Variants in KCTD18 observed in about 807,000 individuals in gnomAD.
KCTD18 encodes BTB/POZ domain-containing protein KCTD18.
Under a neutral mutation model 30.4 loss-of-function variants are expected in KCTD18, and 22 were observed. The ratio of observed to expected loss-of-function variants is 0.72; its 90% CI spans 0.52 to 1.03. The LOEUF (loss-of-function observed/expected upper bound fraction) is 1.03. KCTD18 is among the 50% of genes least tolerant of loss of function. The pLI is 0.00. For synonymous variants in KCTD18, 186 were observed against 209.0 expected (o/e 0.89, Z 0.95); for missense variants, 529 against 547.6 (o/e 0.97, Z 0.34).
At chr2:200,496,542 T>G (rs578245631) in intron 5 of KCTD18, 1 of 152,448 alleles carries the variant, frequency 6.6e-6, no homozygotes, top group African/African-American at 2.4e-5. Context: ...TTGCCCAGGC[T>G]GGAGTGCAAT....
intron 3 of KCTD18, among the ~76,000 whole-genome samples, chr2:200,501,769 C>T (rs2088088856): frequency 6.6e-6 from 1 of 151,698 alleles, no homozygotes; most frequent in Non-Finnish European, 1.5e-5. Flanking sequence ...CCATTTGACC[C>T]AGCCATCCCA....
chr2:200,503,135 C>T (rs878955271), intron 3 of KCTD18, among the ~76,000 whole-genome samples: 1 of 152,084 alleles, frequency 6.6e-6, no homozygotes, highest in Non-Finnish European at 1.5e-5. Context: ...AGGGCCTTCC[C>T]TGGGAGGAAC....
chr2:200,494,422 T>C (rs1441389585), intron 5 of KCTD18, among the ~76,000 whole-genome samples: 1 of 152,236 alleles, frequency 6.6e-6, no homozygotes, highest in Non-Finnish European at 1.5e-5. Flanking sequence ...CAAGGAATTA[T>C]GTTGAATAAA....
rs188445566 is a variant in KCTD18 at position 200,495,812 on chromosome 2, C to T, written c.661+1941G>A. ...TCCAGTTAATGCAACATTATTTATCCTAGTTTTTTATTAGTCTTTAAATTT... is the reference window on the plus strand; with the variant it reads ...TCCAGTTAATGCAACATTATTTATCTTAGTTTTTTATTAGTCTTTAAATTT... On this transcript the variant is annotated intron_variant, in intron 5 of 6. Transcript: ENST00000359878. The T allele has an allele frequency of 2.6e-5, 4 of 151,406 alleles. No individual in the cohort carries two copies. The East Asian group carries it at 7.7e-4, about 29-fold the overall frequency. The allele number at this position is 151,406 out of a possible 1,614,324, so 9.4% of individuals were successfully genotyped here. A position where few individuals can be genotyped will look rare whatever the true frequency, so the allele number is the denominator to read the frequency against.
chr2:200,494,740 C>T (rs2087971977), intron 5 of KCTD18, among the ~76,000 whole-genome samples: 1 of 152,150 alleles, frequency 6.6e-6, no homozygotes. Context: ...TTTTCAGGTA[C>T]ACATTTCAAT....
intron 3 of KCTD18, among the ~76,000 whole-genome samples, chr2:200,500,746 A>G (rs1489677063): frequency 1.3e-5 from 2 of 151,270 alleles, no homozygotes; most frequent in Non-Finnish European, 3.0e-5. Context: ...CCATCAAGCT[A>G]CCAATGACTT....
At chr2:200,501,914 T>G (rs1393651382) in intron 3 of KCTD18, among the ~76,000 whole-genome samples, 8 of 151,190 alleles carry the variant, frequency 5.3e-5, no homozygotes, top group Non-Finnish European at 1.0e-4. Context: ...TAGACTGGAT[T>G]AAGAAAATGT....
chr2:200,509,083 T>A, intron 1 of KCTD18, among the ~76,000 whole-genome samples: 1 of 152,186 alleles, frequency 6.6e-6, no homozygotes, highest in South Asian at 2.1e-4. Context: ...TCCCATTTAC[T>A]GAATGCTTAT....
At chr2:200,503,625 G>A (rs1462973338) in intron 3 of KCTD18, among the ~76,000 whole-genome samples, 1 of 152,170 alleles carries the variant, frequency 6.6e-6, no homozygotes, top group East Asian at 1.9e-4. Flanking sequence ...CAACAGCAGG[G>A]AAAGACTATC....
chr2:200,490,609 T>A lies in KCTD18; in HGVS notation c.772A>T (p.Ile258Leu). ...CTTTCGTCCGCTTCATTGAACGTTA[T>A]CAGTCGCCTAGAAATACAGAAGCGT... ...HMAPIRKRRLITFNEADESVN... is the reference protein window; with the variant it reads ...HMAPIRKRRLLTFNEADESVN... The change falls in exon 7 of 7, where the codon ATA (isoleucine) becomes TTA (leucine). Residue 258 changes from isoleucine (I) to leucine (L), a missense_variant. Coordinates refer to ENST00000359878, the MANE Select transcript of KCTD18 (RefSeq NM_152387.4). The A allele has an allele frequency of 6.3e-7, 1 of 1,584,992 alleles. No homozygotes were observed. The highest frequency in any genetic ancestry group is 8.5e-7 in the Non-Finnish European group (1 of 1,170,292).
In KCTD18 at chr2:200,498,944, G is replaced by A. The variant is rs139198109; in HGVS notation, c.513C>T (p.Asp171=). The A allele has an allele frequency of 7.7e-4, 1,248 of 1,614,008 alleles. 1 individual carries two copies. The highest frequency in any genetic ancestry group is 9.3e-4 in the Non-Finnish European group (1,095 of 1,179,940). ...TTCCTCCCAGCTGCTTTTCAATAGC[G>A]TCTGTTCCATCAGTTTTTGTGGCAT... is the stretch of plus-strand genomic sequence containing the variant. ...GVYATKTDGT[D]AIEKQLGGRI... The change falls in exon 4 of 7, where the codon GAC becomes GAT. Residue 171 remains aspartate (D), a synonymous_variant. Transcript: ENST00000359878.
At position 200,490,178 on chromosome 2, in the gene KCTD18, G is replaced by C. The variant is rs750287690; in HGVS notation, c.1203C>G (p.Asn401Lys). 2.5e-6 allele frequency: 4 copies of C among 1,613,474 alleles called. No homozygotes were observed. Among genetic ancestry groups the C allele is most frequent in the Non-Finnish European group, 3.4e-6 (4 of 1,179,436 alleles). Residue 401 changes from asparagine (N) to lysine (K), a missense_variant, in exon 7 of 7, where the codon AAC (asparagine) becomes AAG (lysine). Coordinates refer to ENST00000359878, the MANE Select transcript of KCTD18 (RefSeq NM_152387.4). ...CTTCGCCGGGAAGCGGCTTGAGGGA[G>C]TTGGCCTGCCTCGTGGCCGTGGGGG... ...LPSPTATRQA[N>K]SLKPLPGEAA...
intron 6 of KCTD18, among the ~76,000 whole-genome samples, chr2:200,491,441 C>T (rs1300726546): frequency 6.6e-6 from 1 of 152,160 alleles, no homozygotes; most frequent in Non-Finnish European, 1.5e-5. Context: ...TAAACTGCTG[C>T]ATATCTTTTT....
chr2:200,500,810 G>A (rs2106281815), intron 3 of KCTD18, among the ~76,000 whole-genome samples: 1 of 152,130 alleles, frequency 6.6e-6, no homozygotes, highest in East Asian at 1.9e-4. Flanking sequence ...CCAAAAAAGA[G>A]CCCGCATCGC....
intron 2 of KCTD18, among the ~76,000 whole-genome samples, chr2:200,505,899 T>C (rs2030166787): frequency 6.6e-6 from 1 of 151,346 alleles, no homozygotes. Context: ...TACATGAGGC[T>C]AGTCAGTAAT....
chr2:200,496,116 C>G (rs529095027), intron 5 of KCTD18: 21 of 152,346 alleles, frequency 1.4e-4, no homozygotes, highest in African/African-American at 4.8e-4. Context: ...CAGGGTTTCA[C>G]CATGCTGGCC....
intron 2 of KCTD18, among the ~76,000 whole-genome samples, chr2:200,506,612 C>T (rs1042605910): frequency 1.3e-5 from 2 of 152,166 alleles, no homozygotes; most frequent in African/African-American, 4.8e-5. Flanking sequence ...ACAGTTAATC[C>T]CCATAATTAG....
In KCTD18 at chr2:200,507,061, A is replaced by T. The variant is rs748643161; in HGVS notation, c.-45T>A. 2 of 1,523,658 alleles carry T rather than the reference A, an allele frequency of 1.3e-6. No individual in the cohort carries two copies. The highest frequency in any genetic ancestry group is 2.4e-5 in the South Asian group (2 of 85,106). The allele number at this position is 1,523,658 out of a possible 1,614,324, so 94.4% of individuals were successfully genotyped here. On this transcript the variant is annotated 5_prime_UTR_variant, in exon 2 of 7. Coordinates refer to ENST00000359878, the MANE Select transcript of KCTD18 (RefSeq NM_152387.4). ...ATTTTTGCCGCCCAACACTTTCAGA[A>T]ACTTCAAAACAATGATGTCTTGGTC...
chr2:200,502,298 T>C (rs1288501457), intron 3 of KCTD18, among the ~76,000 whole-genome samples: 1 of 151,696 alleles, frequency 6.6e-6, no homozygotes, highest in East Asian at 1.9e-4. Context: ...TAATAATAAA[T>C]TTAAAAAAAA....
Sources: gnomAD v4.1 joint callset for allele counts (sites outside exome capture counted in the v4.1 genomes callset) on GRCh38, gnomAD v4.1.1 for gene constraint, MANE v1.5 for transcripts, NCBI Gene and HGNC (gene_info 2026-07-23, HGNC 2026-07-21) for gene names.